Variants in ALK observed in about 807,000 individuals in gnomAD.
ALK encodes the protein ALK receptor tyrosine kinase, also known as ALK tyrosine kinase receptor.
In ALK, 74 loss-of-function variants were observed where a neutral mutation model predicts 163.1. That is an observed-to-expected ratio of 0.45 (90% confidence interval 0.38 to 0.55). The LOEUF is 0.55. Ranked by LOEUF, ALK falls within the 20% of genes least tolerant of loss-of-function variation. ALK has a pLI of 0.00. For missense variants in ALK, 2,063 were observed against 2,105.3 expected (o/e 0.98, Z 0.39); for synonymous variants, 960 against 843.2 (o/e 1.14, Z -2.40).
intron 26 of ALK, among the ~76,000 whole-genome samples, chr2:29,200,457 CTAGT>C (rs1202810317): frequency 1.3e-5 from 2 of 151,898 alleles, no homozygotes; most frequent in Non-Finnish European, 2.9e-5. Context: ...TACCAGATAC[CTAGT>C]TAAATTTGAG....
intron 1 of ALK, among the ~76,000 whole-genome samples, chr2:29,805,188 G>C (rs1041020981): frequency 6.6e-6 from 1 of 152,220 alleles, no homozygotes. Context: ...CCCACAGAAT[G>C]ACTGTGAGGG....
chr2:29,890,790 A>C (rs1667123425), intron 1 of ALK: 1 of 152,336 alleles, frequency 6.6e-6, no homozygotes, highest in South Asian at 2.1e-4. Context: ...CCTTGCCTCA[A>C]TTCTGTGTTA....
chr2:29,623,550 C>T (rs1352969270), intron 3 of ALK, among the ~76,000 whole-genome samples: 1 of 152,162 alleles, frequency 6.6e-6, no homozygotes, highest in Non-Finnish European at 1.5e-5. Context: ...GTACTATTCA[C>T]ATCTCCATTT....
chr2:29,510,321 C>T (rs1046549894), intron 4 of ALK, among the ~76,000 whole-genome samples: 1 of 152,100 alleles, frequency 6.6e-6, no homozygotes, highest in Non-Finnish European at 1.5e-5. Context: ...TATTTTAAAT[C>T]ATAAAAATAA....
At chr2:29,759,932 C>A (rs1247455016) in intron 1 of ALK, among the ~76,000 whole-genome samples, 1 of 152,186 alleles carries the variant, frequency 6.6e-6, no homozygotes, top group Non-Finnish European at 1.5e-5. Context: ...ACACACTGTA[C>A]ACTGGGAACA....
chr2:29,682,713 A>C (rs922830899), intron 3 of ALK, among the ~76,000 whole-genome samples: 1 of 152,228 alleles, frequency 6.6e-6, no homozygotes, highest in African/African-American at 2.4e-5. Flanking sequence ...AAGTAAATTT[A>C]ATGTCTATCT....
intron 3 of ALK, among the ~76,000 whole-genome samples, chr2:29,635,248 C>T (rs1676487635): frequency 6.6e-6 from 1 of 152,130 alleles, no homozygotes; most frequent in African/African-American, 2.4e-5. Context: ...ATAATAACCA[C>T]CCAAAGATAA....
chr2:29,330,642 G>C (rs1667411212), intron 5 of ALK, among the ~76,000 whole-genome samples: 1 of 152,226 alleles, frequency 6.6e-6, no homozygotes, highest in Non-Finnish European at 1.5e-5. Context: ...TGTGGTAAAA[G>C]AGGCTTTGCT....
chr2:29,737,176 ATGT>A (rs1315578283), intron 1 of ALK, among the ~76,000 whole-genome samples: 1 of 152,082 alleles, frequency 6.6e-6, no homozygotes, highest in Non-Finnish European at 1.5e-5. Context: ...ATGTGATCTA[ATGT>A]TGTGAAAATA....
Position 29,771,691 on chromosome 2 carries a change from T to C in ALK, c.668-53994A>G, listed in dbSNP as rs11897590. 3.5e-3 allele frequency among the ~76,000 whole-genome samples: 528 copies of C among 152,124 alleles called. 1 individual carries two copies. Among genetic ancestry groups the C allele is most frequent in the African/African-American group, 0.011 (457 of 41,502 alleles). Reference sequence around the variant, plus strand: ...CTGGGACTACAGGCGCCTGCCACCATGCCCCGCTAATTTTTTGTATTTTTA... The same window carrying C: ...CTGGGACTACAGGCGCCTGCCACCACGCCCCGCTAATTTTTTGTATTTTTA... On this transcript the variant is annotated intron_variant, in intron 1 of 28. Coordinates refer to ENST00000389048, the MANE Select transcript of ALK (RefSeq NM_004304.5).
At chr2:29,757,118 C>T (rs1323841691) in intron 1 of ALK, among the ~76,000 whole-genome samples, 1 of 152,124 alleles carries the variant, frequency 6.6e-6, no homozygotes, top group Non-Finnish European at 1.5e-5. Context: ...GAAAAGTGTT[C>T]TAGGCATAGG....
At position 29,265,170 on chromosome 2, in the gene ALK, C is replaced by A. The variant is rs538963974; in HGVS notation, c.2041+9929G>T. The stretch of plus-strand genomic sequence containing the variant: ...AAGTAGCTGAGATTACAGGCACATA[C>A]CACCACACCGGCTAATTTTTGTATT... On this transcript the variant is annotated intron_variant, in intron 11 of 28. Transcript: ENST00000389048. Among the ~76,000 whole-genome samples, 4 of 152,258 alleles carry A rather than the reference C, an allele frequency of 2.6e-5. No individual in the cohort carries two copies. In the East Asian group the frequency reaches 5.8e-4, roughly 22 times the overall value.
chr2:29,394,495 T>A (rs145143052), intron 4 of ALK, among the ~76,000 whole-genome samples: 3 of 152,234 alleles, frequency 2.0e-5, no homozygotes, highest in African/African-American at 7.2e-5. Context: ...CAGGGAGCTG[T>A]GGGGAGGGAC....
chr2:29,640,048 CAGA>C (rs772222911), intron 3 of ALK, among the ~76,000 whole-genome samples: 11 of 152,164 alleles, frequency 7.2e-5, no homozygotes, highest in Non-Finnish European at 1.2e-4. Flanking sequence ...GATGCAACTA[CAGA>C]AGAAGAAGCT....
In ALK at chr2:29,775,239, T is replaced by A. The variant is rs141882779; in HGVS notation, c.668-57542A>T. Among the ~76,000 whole-genome samples, 185 of 152,318 alleles carry A rather than the reference T, an allele frequency of 1.2e-3. 1 individual carries two copies. The highest frequency in any genetic ancestry group is 4.3e-3 in the African/African-American group (180 of 41,574). ...AGATGGGGATTTGAACAAAAGGGCC[T>A]TTAAATTCCCTTCCAACTCTCAGGT... is the stretch of plus-strand genomic sequence containing the variant. On this transcript the variant is annotated intron_variant, in intron 1 of 28. Transcript: ENST00000389048.
At chr2:29,207,437 C>A (rs889323121) in intron 25 of ALK, among the ~76,000 whole-genome samples, 165 bp from the exon 26 acceptor site, 1 of 152,184 alleles carries the variant, frequency 6.6e-6, no homozygotes, top group Non-Finnish European at 1.5e-5. Flanking sequence ...GCACACAGAT[C>A]ATTTAGTTAA....
chr2:29,717,460 G>A lies in ALK; in HGVS notation c.787+118C>T. The A allele has an allele frequency of 2.4e-6, 3 of 1,252,080 alleles. No homozygotes were observed. In the South Asian group the frequency reaches 3.7e-5, roughly 15 times the overall value. The allele number at this position is 1,252,080 out of a possible 1,614,324, so 77.6% of individuals were successfully genotyped here. ...CAGAGGGCTCAGAAAGACTTCTTTT[G>A]CATATAGGGAGCTGAGGGAATGCCC... On this transcript the variant is annotated intron_variant, in intron 2 of 28. Coordinates refer to ENST00000389048, the MANE Select transcript of ALK (RefSeq NM_004304.5).
At chr2:29,579,241 A>G (rs1674608406) in intron 3 of ALK, among the ~76,000 whole-genome samples, 2 of 152,134 alleles carry the variant, frequency 1.3e-5, no homozygotes, top group Non-Finnish European at 2.9e-5. Context: ...GACTTGCCTC[A>G]CCTATGGATG....
intron 4 of ALK, among the ~76,000 whole-genome samples, chr2:29,426,479 G>A (rs1249879435): frequency 6.6e-6 from 1 of 152,178 alleles, no homozygotes; most frequent in Non-Finnish European, 1.5e-5. Flanking sequence ...CAGAAACAAT[G>A]GAGGCCAGAA....
Sources: allele counts gnomAD v4.1 joint callset (sites outside exome capture counted in the v4.1 genomes callset), GRCh38; gene constraint gnomAD v4.1.1; transcripts MANE v1.5; gene names NCBI Gene and HGNC (gene_info 2026-07-23, HGNC 2026-07-21).